The following ANKRD30A variants were observed in gnomAD, a reference collection of about 807,000 sequenced individuals.
ANKRD30A encodes ankyrin repeat domain-containing protein 30A.
In ANKRD30A, 170 loss-of-function variants were observed where a neutral mutation model predicts 166.3. That is an observed-to-expected ratio of 1.02 (90% confidence interval 0.90 to 1.16). ANKRD30A has a LOEUF of 1.16. Ranked by LOEUF, ANKRD30A falls within the 50% of genes most tolerant of loss-of-function variation. The probability of loss-of-function intolerance (pLI) is 0.00; values close to 1 mark genes in which losing one functional copy is unlikely to be tolerated. For missense variants in ANKRD30A, 1,630 were observed against 1,518.0 expected, an observed-to-expected ratio of 1.07 and a Z score of -1.23; for synonymous variants, 564 against 508.9, an observed-to-expected ratio of 1.11 and a Z score of -1.46.
Position 37,165,161 on chromosome 10 carries a change from G to T in ANKRD30A, c.2064+6G>T, listed in dbSNP as rs773327257. Reference sequence around the variant, plus strand: ...AAAATTCTTGGGATACTGAGGTACTGTGTGTTGTTGATTTTTTTAAATATT... The same window carrying T: ...AAAATTCTTGGGATACTGAGGTACTTTGTGTTGTTGATTTTTTTAAATATT... On this transcript the variant is annotated splice_donor_region_variant and intron_variant, in intron 18 of 35. Transcript: ENST00000361713. The T allele has an allele frequency of 1.9e-6, 3 of 1,602,972 alleles. No homozygotes were observed. In the Admixed American group the frequency reaches 5.0e-5, roughly 27 times the overall value.
At chr10:37,211,484 T>G (rs1842313203) in intron 31 of ANKRD30A, among the ~76,000 whole-genome samples, 1 of 152,168 alleles carries the variant, frequency 6.6e-6, no homozygotes, top group Admixed American at 6.6e-5. Context: ...TATGGCTGCA[T>G]AGTATTCCAT....
At chr10:37,243,395 C>T in the ANKRD30A span, among the ~76,000 whole-genome samples, 1 of 151,704 alleles carries the variant, frequency 6.6e-6, no homozygotes, top group Non-Finnish European at 1.5e-5. Context: ...CCGCCCGCCT[C>T]GGCCTCCCAA....
chr10:37,264,836 G>A, the ANKRD30A span, among the ~76,000 whole-genome samples: 5 of 152,198 alleles, frequency 3.3e-5, no homozygotes, highest in Admixed American at 3.3e-4. Flanking sequence ...CACAGAAATG[G>A]CATTTCAAAT....
chr10:37,142,345 G>GA, intron 7 of ANKRD30A, 55 bp downstream of exon 7: 6 of 1,491,944 alleles, frequency 4.0e-6, no homozygotes, highest in Middle Eastern at 3.6e-4. Context: ...GTTCCCTAGT[G>GA]AAAAAAGTGT....
intron 7 of ANKRD30A, 69 bp from the exon 8 acceptor site, chr10:37,144,926 T>G (rs1032404896): frequency 8.5e-7 from 1 of 1,173,546 alleles, no homozygotes; most frequent in Non-Finnish European, 1.2e-6. Context: ...GAAAATAGAT[T>G]TGTATATGTT....
intron 7 of ANKRD30A, among the ~76,000 whole-genome samples, chr10:37,143,890 C>T (rs1282491757): frequency 1.3e-5 from 2 of 149,416 alleles, no homozygotes; most frequent in Non-Finnish European, 3.0e-5. Flanking sequence ...AAAGACGAAA[C>T]TTTTGTAGTA....
chr10:37,219,474 T>C lies in ANKRD30A; in HGVS notation c.3762T>C (p.Ser1254=), dbSNP rs181439965. The C allele has an allele frequency of 2.5e-6, 4 of 1,610,302 alleles. No homozygotes were observed. The East Asian group carries it at 6.7e-5, about 27-fold the overall frequency. ...YNNEVLHQPL[S]EAQRKSKSLK... ...ATGAGGTGCTCCATCAACCACTTTCTGAAGCTCAAAGGAAATCCAAAAGCC... is the reference window on the plus strand; with the variant it reads ...ATGAGGTGCTCCATCAACCACTTTCCGAAGCTCAAAGGAAATCCAAAAGCC... The change falls in exon 34 of 36, where the codon TCT becomes TCC. Residue 1254 remains serine (S), a synonymous_variant. Transcript: ENST00000361713.
chr10:37,247,915 A>C, the ANKRD30A span, among the ~76,000 whole-genome samples: 1 of 151,528 alleles, frequency 6.6e-6, no homozygotes, highest in African/African-American at 2.4e-5. Context: ...ATAACTAATG[A>C]ATACTTAGGC....
chr10:37,139,787 C>T (rs1357962679), intron 6 of ANKRD30A, among the ~76,000 whole-genome samples: 1 of 152,110 alleles, frequency 6.6e-6, no homozygotes, highest in Admixed American at 6.5e-5. Flanking sequence ...GATATTGAAC[C>T]TCTGGTCTCT....
intron 13 of ANKRD30A, among the ~76,000 whole-genome samples, chr10:37,157,397 G>T (rs1445087075): frequency 1.3e-5 from 2 of 152,016 alleles, no homozygotes; most frequent in Admixed American, 6.6e-5. Context: ...ATGTTTTCTC[G>T]CTCTGTCATC....
At chr10:37,131,058 T>A (rs879823558) in intron 3 of ANKRD30A, among the ~76,000 whole-genome samples, 1 of 152,150 alleles carries the variant, frequency 6.6e-6, no homozygotes, top group Admixed American at 6.6e-5. Flanking sequence ...TAAACAATGA[T>A]TTTTCTGTAT....
intron 24 of ANKRD30A, among the ~76,000 whole-genome samples, chr10:37,183,119 G>T (rs1840145139): frequency 6.7e-6 from 1 of 149,326 alleles, no homozygotes; most frequent in African/African-American, 2.5e-5. Flanking sequence ...AGCTTTTACT[G>T]AAGTGGGAGT....
At chr10:37,140,615 G>A (rs1434446835) in intron 6 of ANKRD30A, among the ~76,000 whole-genome samples, 1 of 152,060 alleles carries the variant, frequency 6.6e-6, no homozygotes, top group Non-Finnish European at 1.5e-5. Flanking sequence ...TGGATAATTA[G>A]GGTGTTAATA....
intron 6 of ANKRD30A, among the ~76,000 whole-genome samples, 186 bp downstream of exon 6, chr10:37,136,857 G>C (rs1836729809): frequency 7.2e-6 from 1 of 138,836 alleles, no homozygotes; most frequent in Non-Finnish European, 1.6e-5. Flanking sequence ...ATATAGCTTT[G>C]ATTTGATTTT....
intron 6 of ANKRD30A, 65 bp downstream of exon 6, chr10:37,136,736 C>CA: frequency 1.0e-6 from 1 of 962,008 alleles, no homozygotes. Context: ...GTGTTGATCA[C>CA]AAAAAGGTAA....
intron 7 of ANKRD30A, among the ~76,000 whole-genome samples, chr10:37,143,813 C>T (rs1350177681): frequency 1.3e-5 from 2 of 152,252 alleles, no homozygotes; most frequent in Admixed American, 1.3e-4. Flanking sequence ...TGAATTTGGC[C>T]TGTGGCCTAT....
chr10:37,138,945 A>G (rs1836912943), intron 6 of ANKRD30A, among the ~76,000 whole-genome samples: 1 of 152,330 alleles, frequency 6.6e-6, no homozygotes, highest in Middle Eastern at 3.4e-3. Context: ...CAAAGTTGAA[A>G]TGAGGAAAAA....
chr10:37,127,503 C>T (rs1836123986), intron 1 of ANKRD30A, among the ~76,000 whole-genome samples: 1 of 152,068 alleles, frequency 6.6e-6, no homozygotes, highest in Non-Finnish European at 1.5e-5. Flanking sequence ...ATATTTACTA[C>T]ATATGTATGT....
the ANKRD30A span, among the ~76,000 whole-genome samples, chr10:37,256,324 A>C: frequency 6.6e-5 from 10 of 152,184 alleles, no homozygotes; most frequent in Non-Finnish European, 4.4e-5. Context: ...TGGCACAATC[A>C]TGGATCACTG....
Sources: allele counts gnomAD v4.1 joint callset (sites outside exome capture counted in the v4.1 genomes callset), GRCh38; gene constraint gnomAD v4.1.1; transcripts MANE v1.5; gene names NCBI Gene and HGNC (gene_info 2026-07-23, HGNC 2026-07-21).